Variants in OLFM3 observed in about 807,000 individuals in gnomAD.
OLFM3 encodes the protein noelin-3.
OLFM3 carries 20 observed loss-of-function variants against 48.6 expected under a neutral mutation model. The ratio of observed to expected loss-of-function variants is 0.41; its 90% CI spans 0.29 to 0.60. OLFM3 has a LOEUF of 0.60. Ranked by LOEUF, OLFM3 falls within the 20% of genes least tolerant of loss-of-function variation. The pLI, the probability that OLFM3 is intolerant of heterozygous loss-of-function variation, is 0.28. For missense variants in OLFM3, 437 were observed against 544.3 expected (o/e 0.80, Z 1.96); for synonymous variants, 222 against 198.1 (o/e 1.12, Z -1.01).
At position 101,948,506 on chromosome 1, in the gene OLFM3, G is replaced by A. The variant is rs147657448; in HGVS notation, c.69+48242C>T. ...TTAAGACTTGAGTCAGATTTGTTTA[G>A]GTAATTTTTTTTGCCAATTATTTTT... On this transcript the variant is annotated intron_variant, in intron 1 of 5. Transcript: ENST00000370103. Among the ~76,000 whole-genome samples the A allele has an allele frequency of 6.8e-3, 1,036 of 151,938 alleles. 13 individuals carry two copies. The highest frequency in any genetic ancestry group is 0.023 in the African/African-American group (970 of 41,458).
chr1:101,828,161 C>T (rs189742954), intron 3 of OLFM3, among the ~76,000 whole-genome samples: 1 of 152,180 alleles, frequency 6.6e-6, no homozygotes, highest in Admixed American at 6.5e-5. Flanking sequence ...CCATGCAGAA[C>T]TGTAAGTCAA....
At chr1:101,979,083 T>C (rs1167067943) in intron 1 of OLFM3, among the ~76,000 whole-genome samples, 1 of 152,218 alleles carries the variant, frequency 6.6e-6, no homozygotes, top group Non-Finnish European at 1.5e-5. Context: ...TATTCTTCTG[T>C]ATGTCTTGTG....
chr1:101,815,303 C>T (rs750112011), intron 4 of OLFM3, among the ~76,000 whole-genome samples: 5 of 151,678 alleles, frequency 3.3e-5, no homozygotes, highest in South Asian at 2.1e-4. Context: ...AAAAAATAGC[C>T]GGGCGTAGTG....
At chr1:101,837,959 G>C (rs1292838576) in intron 1 of OLFM3, 1 of 152,004 alleles carries the variant, frequency 6.6e-6, no homozygotes, top group Non-Finnish European at 1.5e-5. Flanking sequence ...TTCTAGAATT[G>C]TCATTTGCCT....
At chr1:101,922,621 C>G (rs116345359) in intron 1 of OLFM3, among the ~76,000 whole-genome samples, 3,336 of 152,208 alleles carry the variant, frequency 0.022, 56 homozygotes, top group Middle Eastern at 0.034. Context: ...CCAATTATTC[C>G]TATGAATACC....
chr1:101,991,984 A>G (rs181505013), intron 1 of OLFM3, among the ~76,000 whole-genome samples: 169 of 152,292 alleles, frequency 1.1e-3, no homozygotes, highest in Admixed American at 5.4e-3. Flanking sequence ...ATAAATGGTC[A>G]AATATTATTA....
chr1:101,834,949 G>C (rs1290199103), intron 2 of OLFM3, among the ~76,000 whole-genome samples: 5 of 152,036 alleles, frequency 3.3e-5, no homozygotes, highest in Non-Finnish European at 5.9e-5. Flanking sequence ...CTTTGAACCT[G>C]TAAAGGGAAT....
At chr1:101,968,499 T>G (rs1274921532) in intron 1 of OLFM3, among the ~76,000 whole-genome samples, 1 of 126,852 alleles carries the variant, frequency 7.9e-6, no homozygotes, top group East Asian at 2.6e-4. Context: ...TAAAGGAAAC[T>G]TAAATGAAAA....
chr1:101,914,836 T>C (rs1307966012), intron 1 of OLFM3, among the ~76,000 whole-genome samples: 1 of 152,168 alleles, frequency 6.6e-6, no homozygotes, highest in Non-Finnish European at 1.5e-5. Context: ...ATGGAGTCCA[T>C]CTATAAAAAC....
rs12074027 is a variant in OLFM3, at chr1:101,815,774, G to A, written c.592+9252C>T. Among the ~76,000 whole-genome samples the A allele has an allele frequency of 5.7e-3, 868 of 152,230 alleles. 10 individuals carry two copies. The highest frequency in any genetic ancestry group is 0.019 in the African/African-American group (804 of 41,532). On this transcript the variant is annotated intron_variant, in intron 4 of 5. Transcript: ENST00000370103. ...TCTAAGTTGTTCATGACTATTACAC[G>A]TATCAGTAGAAACAGCATATAAATC...
Position 101,803,619 on chromosome 1 carries a change from A to G in OLFM3, c.*619T>C, listed in dbSNP as rs1653599431. On this transcript the variant is annotated 3_prime_UTR_variant, in exon 6 of 6. Transcript: ENST00000370103. ...ATTTTATAAAAAATATTACTTTCAC[A>G]GAAGTGAAGAGATACAATAGCACAA... is the stretch of plus-strand genomic sequence containing the variant. 6.6e-6 allele frequency: 1 copy of G among 152,258 alleles called. No homozygotes were observed. Among genetic ancestry groups the G allele is most frequent in the South Asian group, 2.1e-4 (1 of 4,830 alleles). The allele number at this position is 152,258 out of a possible 1,614,324, so 9.4% of individuals were successfully genotyped here. A position where few individuals can be genotyped will look rare whatever the true frequency, so the allele number is the denominator to read the frequency against.
chr1:101,846,326 C>A (rs1308890592), intron 1 of OLFM3, among the ~76,000 whole-genome samples: 2 of 152,056 alleles, frequency 1.3e-5, no homozygotes, highest in Admixed American at 1.3e-4. Flanking sequence ...TTTGGGCAGG[C>A]CTTAAATTGG....
At chr1:101,898,466 A>C (rs1161361089) in intron 1 of OLFM3, among the ~76,000 whole-genome samples, 4 of 152,186 alleles carry the variant, frequency 2.6e-5, no homozygotes, top group East Asian at 3.8e-4. Context: ...TTCAGACCTG[A>C]CTTCTCCATG....
chr1:101,840,333 A>T (rs1207779433), intron 1 of OLFM3, among the ~76,000 whole-genome samples: 1 of 152,222 alleles, frequency 6.6e-6, no homozygotes, highest in Non-Finnish European at 1.5e-5. Flanking sequence ...CCCATTATAC[A>T]GATGAGGAAA....
chr1:101,931,742 G>T (rs187893726), intron 1 of OLFM3, among the ~76,000 whole-genome samples: 2 of 152,192 alleles, frequency 1.3e-5, no homozygotes, highest in African/African-American at 4.8e-5. Context: ...GCTGTGGGGA[G>T]CTCATCAATA....
At chr1:101,845,280 A>G (rs1655941117) in intron 1 of OLFM3, among the ~76,000 whole-genome samples, 1 of 152,092 alleles carries the variant, frequency 6.6e-6, no homozygotes, top group Non-Finnish European at 1.5e-5. Flanking sequence ...TTTTCAACTA[A>G]CAATTTTTCA....
intron 1 of OLFM3, among the ~76,000 whole-genome samples, chr1:101,870,150 A>G (rs1301420890): frequency 1.3e-5 from 2 of 152,176 alleles, no homozygotes; most frequent in South Asian, 4.1e-4. Context: ...TTGATGGAAA[A>G]TTGTGAAAAT....
At chr1:101,984,267 AAG>A (rs1475692540) in intron 1 of OLFM3, among the ~76,000 whole-genome samples, 1 of 151,574 alleles carries the variant, frequency 6.6e-6, no homozygotes, top group East Asian at 1.9e-4. Context: ...AAAAAAAAAA[AAG>A]TTCTTAAATT....
At chr1:101,855,504 T>G (rs78889007) in intron 1 of OLFM3, among the ~76,000 whole-genome samples, 218 of 152,222 alleles carry the variant, frequency 1.4e-3, no homozygotes, top group Non-Finnish European at 2.5e-3. Flanking sequence ...AAATTTAGTC[T>G]TTTTAAAACA....
Sources: gnomAD v4.1 joint callset for allele counts (sites outside exome capture counted in the v4.1 genomes callset) on GRCh38, gnomAD v4.1.1 for gene constraint, MANE v1.5 for transcripts, NCBI Gene and HGNC (gene_info 2026-07-23, HGNC 2026-07-21) for gene names.